The following BAZ2B variants were observed in gnomAD, a reference collection of about 807,000 sequenced individuals.
BAZ2B encodes bromodomain adjacent to zinc finger domain protein 2B.
In BAZ2B, 91 loss-of-function variants were observed where a neutral mutation model predicts 246.0. The observed-to-expected ratio is 0.37, with a 90% CI of 0.31 to 0.44. The LOEUF (loss-of-function observed/expected upper bound fraction) is 0.44. Ranked by LOEUF, BAZ2B falls within the 20% of genes least tolerant of loss-of-function variation. The pLI is 1.00. For synonymous variants in BAZ2B, 855 were observed against 860.0 expected (o/e 0.99, Z 0.10); for missense variants, 2,332 against 2,533.7 (o/e 0.92, Z 1.71).
At chr2:159,482,724 T>C (rs1386731618) in intron 2 of BAZ2B, among the ~76,000 whole-genome samples, 3 of 152,212 alleles carry the variant, frequency 2.0e-5, no homozygotes, top group Non-Finnish European at 4.4e-5. Context: ...AGCTGATTTT[T>C]CATCTATAAT....
At chr2:159,593,604 T>C (rs985662005) in intron 1 of BAZ2B, among the ~76,000 whole-genome samples, 1 of 152,200 alleles carries the variant, frequency 6.6e-6, no homozygotes, top group Non-Finnish European at 1.5e-5. Flanking sequence ...AAGTTTTAAA[T>C]TGTGTGCCAT....
intron 13 of BAZ2B, among the ~76,000 whole-genome samples, chr2:159,424,941 G>T (rs988654535): frequency 1.3e-5 from 2 of 151,900 alleles, no homozygotes; most frequent in Non-Finnish European, 2.9e-5. Context: ...ATCCACAATT[G>T]CTTCAATCCG....
At chr2:159,378,457 G>T (rs1421964010) in intron 25 of BAZ2B, among the ~76,000 whole-genome samples, 1 of 152,120 alleles carries the variant, frequency 6.6e-6, no homozygotes, top group Non-Finnish European at 1.5e-5. Flanking sequence ...CAGACAAGTG[G>T]CACTATATCA....
chr2:159,630,100 T>C, the BAZ2B span, among the ~76,000 whole-genome samples: 6 of 152,208 alleles, frequency 3.9e-5, no homozygotes, highest in African/African-American at 1.4e-4. Context: ...ATAAAACCTG[T>C]ATTGTAGATG....
At chr2:159,354,338 C>A (rs953286622) in intron 27 of BAZ2B, among the ~76,000 whole-genome samples, 1 of 137,738 alleles carries the variant, frequency 7.3e-6, no homozygotes, top group African/African-American at 2.6e-5. Flanking sequence ...ACAGTTAAAC[C>A]TCTAATTAAA....
intron 2 of BAZ2B, among the ~76,000 whole-genome samples, chr2:159,542,415 G>A (rs1578219058): frequency 2.0e-5 from 3 of 152,290 alleles, no homozygotes; most frequent in Admixed American, 1.3e-4. Context: ...AAGCCACAGA[G>A]AAAATCTTGA....
rs186503081 is a variant in BAZ2B, at chr2:159,373,819, G to T, written c.4069-630C>A. 2.0e-5 allele frequency among the ~76,000 whole-genome samples: 3 copies of T among 152,184 alleles called. No homozygotes were observed. The East Asian group carries it at 5.8e-4, about 29-fold the overall frequency. Reference sequence around the variant, plus strand: ...AGCCTAGGTGCCAGAGCAAGACTCTGTTTCAAAAAGCAAAGCAAAACAAAA... The same window carrying T: ...AGCCTAGGTGCCAGAGCAAGACTCTTTTTCAAAAAGCAAAGCAAAACAAAA... On this transcript the variant is annotated intron_variant, in intron 26 of 36. Transcript: ENST00000392783.
rs529681427 is a variant in BAZ2B at position 159,449,489 on chromosome 2, C to A, written c.335-1080G>T. Among the ~76,000 whole-genome samples the A allele has an allele frequency of 5.9e-5, 9 of 152,176 alleles. No homozygotes were observed. The East Asian group carries it at 1.5e-3, about 26-fold the overall frequency. Reference sequence around the variant, plus strand: ...ATATTAAAAACTTTTCTAGGAATATCCTTCATTAAAAATAGAATGTAAAAT... The same window carrying A: ...ATATTAAAAACTTTTCTAGGAATATACTTCATTAAAAATAGAATGTAAAAT... On this transcript the variant is annotated intron_variant, in intron 4 of 36. Transcript: ENST00000392783.
intron 26 of BAZ2B, 57 bp downstream of exon 26, chr2:159,374,634 A>C: frequency 6.8e-7 from 1 of 1,473,600 alleles, no homozygotes; most frequent in Non-Finnish European, 9.5e-7. Flanking sequence ...ATCCCCTTAC[A>C]ATGTAGATTT....
chr2:159,466,288 A>G (rs909075886), intron 3 of BAZ2B, among the ~76,000 whole-genome samples: 29 of 152,332 alleles, frequency 1.9e-4, no homozygotes, highest in Admixed American at 3.9e-4. Context: ...AGAGCAATGC[A>G]CAGCACAGCT....
the BAZ2B span, among the ~76,000 whole-genome samples, chr2:159,629,653 G>C: frequency 6.6e-6 from 1 of 151,446 alleles, no homozygotes. Flanking sequence ...CGAGGGGAAC[G>C]TCACACACTG....
intron 1 of BAZ2B, among the ~76,000 whole-genome samples, chr2:159,594,049 T>C (rs963830896): frequency 2.0e-5 from 3 of 152,194 alleles, no homozygotes; most frequent in African/African-American, 7.2e-5. Context: ...TCAATTCTCT[T>C]TGAACTAAAT....
At chr2:159,534,307 G>A (rs1422899871) in intron 2 of BAZ2B, among the ~76,000 whole-genome samples, 4 of 152,198 alleles carry the variant, frequency 2.6e-5, no homozygotes, top group Admixed American at 6.5e-5. Context: ...CGTGAACCTA[G>A]ATGGTAAAGA....
rs2063064885 is a variant in BAZ2B at position 159,389,480 on chromosome 2, T to C, written c.3081A>G (p.Lys1027=). Residue 1027 remains lysine (K), a synonymous_variant, in exon 21 of 37, where the codon AAA becomes AAG. Coordinates refer to ENST00000392783, the MANE Select transcript of BAZ2B (RefSeq NM_013450.4). ...AMEARKKAEE[K]ERLKQEKRDE... is the part of the protein sequence containing the mutation. ...CACGTTTTTCTTGTTTCAACCGCTC[T>C]TTTTCCTTAAAAAGAAAACCATGTA... The C allele has an allele frequency of 6.3e-7, 1 of 1,598,848 alleles. No individual in the cohort carries two copies. Among genetic ancestry groups the C allele is most frequent in the Admixed American group, 1.7e-5 (1 of 57,160 alleles).
At chr2:159,547,838 A>T (rs1559745283) in intron 2 of BAZ2B, among the ~76,000 whole-genome samples, 1 of 152,216 alleles carries the variant, frequency 6.6e-6, no homozygotes, top group Non-Finnish European at 1.5e-5. Flanking sequence ...CTGATAAATC[A>T]GAATCTATCT....
At chr2:159,483,695 T>G (rs1053931711) in intron 2 of BAZ2B, among the ~76,000 whole-genome samples, 2 of 151,928 alleles carry the variant, frequency 1.3e-5, no homozygotes, top group Admixed American at 6.6e-5. Flanking sequence ...GCAGGAGAAT[T>G]GCTGGAACTC....
At chr2:159,579,187 AAAG>A (rs1245874921) in intron 1 of BAZ2B, among the ~76,000 whole-genome samples, 1 of 150,722 alleles carries the variant, frequency 6.6e-6, no homozygotes, top group Non-Finnish European at 1.5e-5. Flanking sequence ...CAAGACTAAT[AAAG>A]AAGAAAAGAG....
the BAZ2B span, among the ~76,000 whole-genome samples, chr2:159,639,953 A>G: frequency 6.6e-6 from 1 of 152,132 alleles, no homozygotes; most frequent in Admixed American, 6.5e-5. Flanking sequence ...TGTTGCCTAT[A>G]GGAAACACAC....
the BAZ2B span, among the ~76,000 whole-genome samples, chr2:159,628,999 G>C: frequency 6.6e-5 from 10 of 152,156 alleles, no homozygotes; most frequent in Non-Finnish European, 5.9e-5. Context: ...CCATCAAAAA[G>C]TGGGGTGGGT....
Sources: allele counts gnomAD v4.1 joint callset (sites outside exome capture counted in the v4.1 genomes callset), GRCh38; gene constraint gnomAD v4.1.1; transcripts MANE v1.5; gene names NCBI Gene and HGNC (gene_info 2026-07-23, HGNC 2026-07-21).